Variants in TENM3 observed in about 807,000 individuals in gnomAD.
The protein encoded by TENM3 is teneurin transmembrane protein 3.
Under a neutral mutation model 255.1 loss-of-function variants are expected in TENM3, and 63 were observed. That is an observed-to-expected ratio of 0.25 (90% CI 0.20 to 0.30). The LOEUF is 0.30. TENM3 is among the 10% of genes least tolerant of loss of function. The pLI is 1.00. For synonymous variants in TENM3, 1,306 were observed against 1,322.3 expected, an observed-to-expected ratio of 0.99 and a Z score of 0.27; for missense variants, 2,929 against 3,461.1, an observed-to-expected ratio of 0.85 and a Z score of 3.86.
At chr4:181,653,106 A>G in the TENM3 span, among the ~76,000 whole-genome samples, 1 of 152,192 alleles carries the variant, frequency 6.6e-6, no homozygotes, top group African/African-American at 2.4e-5. Flanking sequence ...ACTCCATGCC[A>G]GGCACCACTC....
chr4:181,766,219 T>G, the TENM3 span, among the ~76,000 whole-genome samples: 1 of 152,224 alleles, frequency 6.6e-6, no homozygotes, highest in South Asian at 2.1e-4. Context: ...GATCCAAGTC[T>G]CTCCATAAAT....
At chr4:181,805,987 G>A in the TENM3 span, among the ~76,000 whole-genome samples, 2 of 151,986 alleles carry the variant, frequency 1.3e-5, no homozygotes, top group East Asian at 3.9e-4. Flanking sequence ...GCCATCCTCC[G>A]ATATTTTCAG....
intron 4 of TENM3, among the ~76,000 whole-genome samples, chr4:182,602,456 T>C (rs1282367824): frequency 6.6e-6 from 1 of 152,244 alleles, no homozygotes; most frequent in Admixed American, 6.5e-5. Context: ...CTCAACCCAT[T>C]CTGCCTTGAG....
the TENM3 span, among the ~76,000 whole-genome samples, chr4:181,924,540 C>T: frequency 6.6e-6 from 1 of 152,172 alleles, no homozygotes; most frequent in African/African-American, 2.4e-5. Context: ...TTATGTTATG[C>T]TACTAGTCTA....
At chr4:182,784,345 T>G (rs973973281) in intron 24 of TENM3, among the ~76,000 whole-genome samples, 11 of 151,768 alleles carry the variant, frequency 7.2e-5, no homozygotes, top group Non-Finnish European at 1.5e-4. Flanking sequence ...TGCTGGGGGG[T>G]GCCTCCCAGT....
At chr4:181,620,662 T>TA in the TENM3 span, among the ~76,000 whole-genome samples, 16,113 of 127,192 alleles carry the variant, frequency 0.13, 1,080 homozygotes, top group East Asian at 0.31. Flanking sequence ...ACAGAGTCCT[T>TA]AAAAAAAAAA....
At chr4:181,458,547 A>G in the TENM3 span, among the ~76,000 whole-genome samples, 7 of 152,054 alleles carry the variant, frequency 4.6e-5, no homozygotes, top group Admixed American at 1.3e-4. Flanking sequence ...TCAAATAGCC[A>G]TGGAAGGCAA....
At chr4:182,653,175 C>T (rs1307668807) in intron 5 of TENM3, among the ~76,000 whole-genome samples, 1 of 152,144 alleles carries the variant, frequency 6.6e-6, no homozygotes, top group Admixed American at 6.5e-5. Flanking sequence ...TTACCTGACA[C>T]ATGTACATGC....
chr4:181,653,652 G>A, the TENM3 span, among the ~76,000 whole-genome samples: 25,552 of 150,718 alleles, frequency 0.17, 2,589 homozygotes, highest in Non-Finnish European at 0.23. Context: ...GCCCGCCTTG[G>A]CCTCCCAAAG....
intron 22 of TENM3, among the ~76,000 whole-genome samples, chr4:182,773,217 T>C (rs1415113081): frequency 6.6e-6 from 1 of 152,238 alleles, no homozygotes; most frequent in Non-Finnish European, 1.5e-5. Context: ...AGGATTTTGG[T>C]CACACTTCAA....
the TENM3 span, among the ~76,000 whole-genome samples, chr4:181,597,799 G>C: frequency 2.6e-5 from 4 of 152,082 alleles, no homozygotes; most frequent in Non-Finnish European, 5.9e-5. Flanking sequence ...CAGTAATTCA[G>C]CTCCAGAGTT....
intron 1 of TENM3, among the ~76,000 whole-genome samples, chr4:182,319,722 T>G (rs952810179): frequency 2.6e-5 from 4 of 152,228 alleles, no homozygotes; most frequent in Non-Finnish European, 5.9e-5. Context: ...TTAATTGCTA[T>G]TACTGTGTTA....
chr4:181,779,214 C>A, the TENM3 span, among the ~76,000 whole-genome samples: 1 of 151,684 alleles, frequency 6.6e-6, no homozygotes, highest in Non-Finnish European at 1.5e-5. Context: ...GGCTACTGCT[C>A]CATTTTCATC....
intron 4 of TENM3, among the ~76,000 whole-genome samples, chr4:182,610,685 T>C (rs987243348): frequency 3.8e-4 from 58 of 151,808 alleles, no homozygotes; most frequent in Admixed American, 1.1e-3. Context: ...CCTCTCTCTA[T>C]TTTTTTCTCC....
At chr4:182,283,243 T>C (rs1760513989) in intron 1 of TENM3, among the ~76,000 whole-genome samples, 1 of 152,240 alleles carries the variant, frequency 6.6e-6, no homozygotes, top group African/African-American at 2.4e-5. Flanking sequence ...TGATAAACCA[T>C]ATCTATTTCA....
At chr4:182,237,548 T>G (rs1047856461) in intron 1 of TENM3, among the ~76,000 whole-genome samples, 1 of 151,970 alleles carries the variant, frequency 6.6e-6, no homozygotes, top group Non-Finnish European at 1.5e-5. Context: ...TCCCAGCACT[T>G]TGAGAGGCCG....
chr4:182,281,138 A>AT (rs139888272), intron 1 of TENM3, among the ~76,000 whole-genome samples: 12 of 152,042 alleles, frequency 7.9e-5, no homozygotes, highest in Admixed American at 7.9e-4. Context: ...TAAAGCTATC[A>AT]TTTTTTTCTT....
the TENM3 span, among the ~76,000 whole-genome samples, chr4:181,494,709 C>T: frequency 1.8e-4 from 27 of 152,088 alleles, no homozygotes; most frequent in African/African-American, 6.0e-4. Context: ...CATAATTTCC[C>T]TTCTGAACCA....
intron 3 of TENM3, among the ~76,000 whole-genome samples, chr4:182,511,240 C>T (rs1386664153): frequency 1.3e-5 from 2 of 152,148 alleles, no homozygotes; most frequent in African/African-American, 2.4e-5. Context: ...TATACTAATA[C>T]TCATTTATGG....
Sources: gnomAD v4.1 joint callset for allele counts (sites outside exome capture counted in the v4.1 genomes callset) on GRCh38, gnomAD v4.1.1 for gene constraint, MANE v1.5 for transcripts, NCBI Gene and HGNC (gene_info 2026-07-23, HGNC 2026-07-21) for gene names.